Variants in COL6A6 observed in about 807,000 individuals in gnomAD.
The protein encoded by COL6A6 is collagen alpha-6(VI) chain.
Under a neutral mutation model 208.6 loss-of-function variants are expected in COL6A6, and 183 were observed. The ratio of observed to expected loss-of-function variants is 0.88; its 90% confidence interval spans 0.78 to 0.99. The LOEUF is 0.99. Among genes scored for constraint, COL6A6 ranks in the 50% least tolerant of loss-of-function variants. COL6A6 has a pLI of 0.00. For synonymous variants in COL6A6, 973 were observed against 1,011.8 expected (o/e 0.96, Z 0.73); for missense variants, 2,816 against 2,815.2 (o/e 1.00, Z -0.01).
chr3:130,674,570 C>T, intron 36 of COL6A6, among the ~76,000 whole-genome samples: 1 of 152,138 alleles, frequency 6.6e-6, no homozygotes, highest in Non-Finnish European at 1.5e-5. Flanking sequence ...AGATAGTAAA[C>T]ATATGGATGG....
intron 22 of COL6A6, among the ~76,000 whole-genome samples, chr3:130,609,872 A>T (rs1283707388): frequency 1.3e-5 from 2 of 151,944 alleles, no homozygotes; most frequent in Non-Finnish European, 2.9e-5. Context: ...AGAGCAGTGC[A>T]CAGTCTTCCC....
At chr3:130,527,244 A>G (rs1387809148) in intron 1 of COL6A6, among the ~76,000 whole-genome samples, 1 of 152,170 alleles carries the variant, frequency 6.6e-6, no homozygotes, top group East Asian at 1.9e-4. Flanking sequence ...CAAGTCTATT[A>G]CACTTTTTTC....
At chr3:130,641,986 T>C (rs1434503335) in intron 29 of COL6A6, among the ~76,000 whole-genome samples, 1 of 152,240 alleles carries the variant, frequency 6.6e-6, no homozygotes, top group African/African-American at 2.4e-5. Context: ...ATATTCTGTA[T>C]CTGTTCAATC....
At position 130,567,797 on chromosome 3, in the gene COL6A6, G is replaced by A. The variant is rs569108352; in HGVS notation, c.1844-250G>A. Among the ~76,000 whole-genome samples, 292 of 152,234 alleles carry A rather than the reference G, an allele frequency of 1.9e-3. 5 individuals carry two copies. The highest frequency in any genetic ancestry group is 6.9e-4 in the Non-Finnish European group (47 of 68,008). On this transcript the variant is annotated intron_variant, in intron 5 of 36. Coordinates refer to ENST00000358511, the MANE Select transcript of COL6A6 (RefSeq NM_001102608.3). ...CAGTATCCTACAACACACAGACTTG[G>A]CACAGTAAAAATGATACCCAAGATG...
rs755742964 is a variant in COL6A6 at position 130,568,485 on chromosome 3, A to G, written c.2282A>G (p.Asn761Ser). 20 of 1,613,908 alleles carry G rather than the reference A, an allele frequency of 1.2e-5. No individual in the cohort carries two copies. Among genetic ancestry groups the G allele is most frequent in the East Asian group, 2.2e-5 (1 of 44,886 alleles). Residue 761 changes from asparagine to serine, a missense_variant, in exon 6 of 37, where the codon AAT becomes AGT. Physicochemically the swap from Asn to Ser is conservative, Grantham distance 46. Transcript: ENST00000358511. Reference sequence around the variant, plus strand: ...TATTCTGTGGGAGTGTTTGGCTCCAATGTCACCCAGCTTGAGGAGATCAGT... The same window carrying G: ...TATTCTGTGGGAGTGTTTGGCTCCAGTGTCACCCAGCTTGAGGAGATCAGT... ...IIYSVGVFGS[N>S]VTQLEEISGR...
Position 130,563,080 on chromosome 3 carries a change from C to T in COL6A6, c.77C>T (p.Ala26Val). 2 of 1,609,838 alleles carry T rather than the reference C, an allele frequency of 1.2e-6. No individual in the cohort carries two copies. The highest frequency in any genetic ancestry group is 1.7e-6 in the Non-Finnish European group (2 of 1,177,368). Residue 26 changes from alanine to valine, a missense_variant, in exon 3 of 37, where the codon GCA becomes GTA. Physicochemically the swap from Ala to Val is moderately conservative, Grantham distance 64. Coordinates refer to ENST00000358511, the MANE Select transcript of COL6A6 (RefSeq NM_001102608.3). ...SVNQDSGPEY[A>V]DVVFLVDSSD... Reference sequence around the variant, plus strand: ...TGTGGTTTTGCAGGCCCTGAGTATGCAGATGTTGTGTTTTTGGTGGACAGC... The same window carrying T: ...TGTGGTTTTGCAGGCCCTGAGTATGTAGATGTTGTGTTTTTGGTGGACAGC...
rs2065559006 is a variant in COL6A6, at chr3:130,649,317, A to T, written c.5488A>T (p.Thr1830Ser). The change falls in exon 33 of 37, where the codon ACT becomes TCT. Residue 1830 changes from threonine (T) to serine (S), a missense_variant. Physicochemically the swap from Thr to Ser is moderately conservative, Grantham distance 58. Transcript: ENST00000358511. Reference sequence around the variant, plus strand: ...GAGTCAACTTCTCAGAGAAATTGAAACTATTCCTTATGAGAGATCCTCTGC... The same window carrying T: ...GAGTCAACTTCTCAGAGAAATTGAATCTATTCCTTATGAGAGATCCTCTGC... ...KKSQLLREIE[T>S]IPYERSSASR... 6.2e-7 allele frequency: 1 copy of T among 1,607,956 alleles called. No individual in the cohort carries two copies. The highest frequency in any genetic ancestry group is 8.5e-7 in the Non-Finnish European group (1 of 1,177,282).
At chr3:130,660,612 A>AGGGGTCTGTAGGTGAGCC (rs2065909039) in intron 34 of COL6A6, among the ~76,000 whole-genome samples, 2 of 152,354 alleles carry the variant, frequency 1.3e-5, no homozygotes, top group African/African-American at 4.8e-5. Flanking sequence ...CAGCCCTGAA[A>AGGGGTCTGTAGGTGAGCC]GGGGTCTGTA....
chr3:130,606,816 A>G, intron 20 of COL6A6, 115 bp from the exon 21 acceptor site: 1 of 692,188 alleles, frequency 1.4e-6, no homozygotes, highest in Non-Finnish European at 2.4e-6. Flanking sequence ...TGTTGTAAGC[A>G]CTATGTGGGA....
intron 1 of COL6A6, among the ~76,000 whole-genome samples, chr3:130,525,296 A>G (rs554922521): frequency 4.5e-4 from 69 of 152,316 alleles, no homozygotes; most frequent in African/African-American, 1.5e-3. Flanking sequence ...TTCAGAAGTC[A>G]TATTTTTCAT....
rs1247224913 is a variant in COL6A6, at chr3:130,567,072, T to G, written c.1653T>G (p.Asp551Glu). ...LVVLTNGMSK[D>E]SILEPANRLR... is the part of the protein sequence containing the mutation. ...TCCTGACAAATGGCATGTCCAAGGA[T>G]AGCATCTTGGAGCCTGCAAACAGAC... The change falls in exon 5 of 37, where the codon GAT becomes GAG. Residue 551 changes from aspartate (D) to glutamate (E), a missense_variant. Transcript: ENST00000358511. The G allele has an allele frequency of 6.2e-7, 1 of 1,613,970 alleles. No individual in the cohort carries two copies. Among genetic ancestry groups the G allele is most frequent in the South Asian group, 1.1e-5 (1 of 91,074 alleles).
chr3:130,527,890 C>CTTTTTTTTTTTTTTTTTTT (rs56110472), intron 1 of COL6A6, among the ~76,000 whole-genome samples: 9 of 57,844 alleles, frequency 1.6e-4, no homozygotes, highest in Admixed American at 4.4e-4. Context: ...GTTACTTTTC[C>CTTTTTTTTTTTTTTTTTTT]TTTTTTTTTT....
chr3:130,528,075 T>C (rs1362123567), intron 1 of COL6A6, among the ~76,000 whole-genome samples: 2 of 152,000 alleles, frequency 1.3e-5, no homozygotes, highest in East Asian at 3.8e-4. Context: ...AGCTTAATCA[T>C]AGATTTGAGA....
chr3:130,592,664 T>C lies in COL6A6; in HGVS notation c.4345-32T>C, dbSNP rs752763648. 14 of 1,612,708 alleles carry C rather than the reference T, an allele frequency of 8.7e-6. No individual in the cohort carries two copies. The African/African-American group carries it at 1.7e-4, about 20-fold the overall frequency. Reference sequence around the variant, plus strand: ...TTTCTCAATATTAATTACATTTTCCTACACTAACTATAACTGTCCTTTTAT... The same window carrying C: ...TTTCTCAATATTAATTACATTTTCCCACACTAACTATAACTGTCCTTTTAT... On this transcript the variant is annotated intron_variant, in intron 14 of 36. Transcript: ENST00000358511.
intron 1 of COL6A6, among the ~76,000 whole-genome samples, chr3:130,517,726 C>T (rs545443977): frequency 6.6e-6 from 1 of 152,406 alleles, no homozygotes; most frequent in East Asian, 1.9e-4. Flanking sequence ...CGTCACCCAA[C>T]ACTGTGTCCT....
intron 21 of COL6A6, among the ~76,000 whole-genome samples, chr3:130,608,321 G>GT (rs1159703685): frequency 1.3e-5 from 2 of 152,180 alleles, no homozygotes; most frequent in Non-Finnish European, 2.9e-5. Flanking sequence ...AAAGGTATCT[G>GT]TAAGTGACAT....
intron 33 of COL6A6, among the ~76,000 whole-genome samples, chr3:130,656,338 A>C (rs1337448016): frequency 3.9e-5 from 6 of 151,998 alleles, no homozygotes; most frequent in Non-Finnish European, 8.8e-5. Flanking sequence ...ATTGAGTGAC[A>C]GAACAGCTCA....
chr3:130,627,520 T>C (rs2064926885), intron 26 of COL6A6, among the ~76,000 whole-genome samples, 151 bp downstream of exon 26: 1 of 152,194 alleles, frequency 6.6e-6, no homozygotes. Context: ...TGCTATCCCA[T>C]GAGGAATGTG....
At chr3:130,615,213 C>G (rs768092094) in intron 23 of COL6A6, among the ~76,000 whole-genome samples, 4 of 152,162 alleles carry the variant, frequency 2.6e-5, no homozygotes, top group Non-Finnish European at 4.4e-5. Context: ...CATTCAGGAG[C>G]AGGTTGTTTA....
Sources: allele counts gnomAD v4.1 joint callset (sites outside exome capture counted in the v4.1 genomes callset), GRCh38; gene constraint gnomAD v4.1.1; transcripts MANE v1.5; gene names NCBI Gene and HGNC (gene_info 2026-07-23, HGNC 2026-07-21).